The following QTGAL variants were observed in gnomAD, a reference collection of about 807,000 sequenced individuals.
QTGAL encodes queuosine-tRNA galactosyltransferase.
the QTGAL span, among the ~76,000 whole-genome samples, chr17:82,992,640 CTAATA>C: frequency 6.6e-6 from 1 of 152,074 alleles, no homozygotes; most frequent in African/African-American, 2.4e-5. Context: ...AAACTCACTG[CTAATA>C]TGAGTACACA....
the QTGAL span, among the ~76,000 whole-genome samples, chr17:82,956,000 G>A: frequency 6.6e-6 from 1 of 151,898 alleles, no homozygotes; most frequent in African/African-American, 2.4e-5. Context: ...ACCTGTTGGA[G>A]GGTGGGGGGC....
the QTGAL span, among the ~76,000 whole-genome samples, chr17:83,051,579 C>CGCGGG: frequency 1.3e-5 from 2 of 152,168 alleles, no homozygotes; most frequent in Non-Finnish European, 2.9e-5. Context: ...CGCGCTCGCC[C>CGCGGG]GCGGGGCCTA....
chr17:83,020,325 T>G, the QTGAL span, among the ~76,000 whole-genome samples: 1 of 152,152 alleles, frequency 6.6e-6, no homozygotes, highest in African/African-American at 2.4e-5. Flanking sequence ...CCGATAAGGA[T>G]GCCTGCACAC....
the QTGAL span, among the ~76,000 whole-genome samples, chr17:83,044,578 G>A: frequency 5.3e-5 from 8 of 152,196 alleles, no homozygotes; most frequent in African/African-American, 1.9e-4. Context: ...TTGCTTGGGA[G>A]AACCGAAGCG....
At chr17:82,970,088 G>A in the QTGAL span, among the ~76,000 whole-genome samples, 3 of 152,192 alleles carry the variant, frequency 2.0e-5, no homozygotes, top group African/African-American at 7.2e-5. Context: ...CCTACGTTTC[G>A]CACATCAAAG....
At chr17:82,957,203 A>T in the QTGAL span, 2 of 1,614,176 alleles carry the variant, frequency 1.2e-6, no homozygotes, top group South Asian at 1.1e-5. Context: ...GTGGCAATAG[A>T]AGCCTTTCCT....
chr17:83,024,281 G>A, the QTGAL span, among the ~76,000 whole-genome samples: 2 of 145,838 alleles, frequency 1.4e-5, no homozygotes, highest in Non-Finnish European at 2.9e-5. Flanking sequence ...GCCTCCGCCC[G>A]GGGTCCTCCA....
chr17:83,050,962 G>T, the QTGAL span, among the ~76,000 whole-genome samples: 2 of 151,864 alleles, frequency 1.3e-5, no homozygotes, highest in African/African-American at 4.8e-5. Flanking sequence ...GGGCAAGTGT[G>T]CCGGGAATGT....
the QTGAL span, among the ~76,000 whole-genome samples, chr17:82,962,870 C>A: frequency 1.3e-5 from 2 of 150,870 alleles, no homozygotes; most frequent in African/African-American, 4.9e-5. Context: ...TGCCTCTGCC[C>A]TGGGAGGAGG....
chr17:83,016,603 C>CAGAAGAGGAGGGGGGAGGAGGGAGGA, the QTGAL span, among the ~76,000 whole-genome samples: 1 of 102,112 alleles, frequency 9.8e-6, no homozygotes. Flanking sequence ...GGGGAGAGGA[C>CAGAAGAGGAGGGGGGAGGAGGGAGGA]TGAAGAGGAG....
At chr17:83,051,740 G>A in the QTGAL span, 4 of 1,496,404 alleles carry the variant, frequency 2.7e-6, no homozygotes, top group African/African-American at 2.9e-5. Context: ...CACCTACCAC[G>A]TGGGCCTGCA....
chr17:83,028,334 C>A, the QTGAL span, among the ~76,000 whole-genome samples: 2 of 151,304 alleles, frequency 1.3e-5, no homozygotes, highest in Admixed American at 6.6e-5. Context: ...ACCATCCTGG[C>A]TAACACGGTG....
At chr17:82,944,166 C>T in the QTGAL span, 1 of 152,232 alleles carries the variant, frequency 6.6e-6, no homozygotes, top group East Asian at 1.9e-4. Context: ...GTCGATTACC[C>T]ACCCAGACCC....
chr17:83,030,602 AG>A, the QTGAL span, among the ~76,000 whole-genome samples: 1 of 152,208 alleles, frequency 6.6e-6, no homozygotes, highest in Admixed American at 6.5e-5. Context: ...GAGAACGGCC[AG>A]GCTTGTCTGT....
the QTGAL span, among the ~76,000 whole-genome samples, chr17:83,051,292 A>AGGTGCGCAGGAGCGAGGCG: frequency 1.2e-5 from 1 of 80,992 alleles, no homozygotes; most frequent in East Asian, 3.7e-4. Flanking sequence ...GCAGGTGCGC[A>AGGTGCGCAGGAGCGAGGCG]GGAGCGAGGC....
At chr17:82,955,795 AG>A in the QTGAL span, among the ~76,000 whole-genome samples, 2 of 152,238 alleles carry the variant, frequency 1.3e-5, no homozygotes, top group Non-Finnish European at 2.9e-5. Flanking sequence ...TGGCACATAT[AG>A]CCCATGGAAT....
the QTGAL span, chr17:83,035,239 G>C: frequency 7.8e-6 from 5 of 640,250 alleles, no homozygotes; most frequent in African/African-American, 9.5e-5. Flanking sequence ...GAGTGCAGTG[G>C]CGTGATTTTG....
At chr17:83,043,342 T>A in the QTGAL span, among the ~76,000 whole-genome samples, 1 of 152,094 alleles carries the variant, frequency 6.6e-6, no homozygotes, top group Non-Finnish European at 1.5e-5. Context: ...CACAGTGAAA[T>A]GAAACTAGAA....
the QTGAL span, among the ~76,000 whole-genome samples, chr17:83,026,633 A>G: frequency 0.78 from 79,355 of 101,474 alleles, 28,858 homozygotes; most frequent in Admixed American, 0.79. Context: ...GGAGGGCAGG[A>G]AGCCTGCAGA....
Sources: gnomAD v4.1 joint callset for allele counts (sites outside exome capture counted in the v4.1 genomes callset) on GRCh38, gnomAD v4.1.1 for gene constraint, MANE v1.5 for transcripts, NCBI Gene and HGNC (gene_info 2026-07-23, HGNC 2026-07-21) for gene names.